CADM2: variants seen among roughly 807,000 people sequenced by gnomAD.
CADM2 encodes cell adhesion molecule 2.
Under a neutral mutation model 49.8 loss-of-function variants are expected in CADM2, and 12 were observed. The observed-to-expected ratio is 0.24, with a 90% CI of 0.15 to 0.39. CADM2 has a LOEUF of 0.39. Ranked by LOEUF, CADM2 falls within the 10% of genes least tolerant of loss-of-function variation. The pLI, the probability that CADM2 is intolerant of heterozygous loss-of-function variation, is 1.00. For missense variants in CADM2, 378 were observed against 492.3 expected (o/e 0.77, Z 2.20); for synonymous variants, 214 against 175.4 (o/e 1.22, Z -1.74).
At chr3:86,014,765 C>T (rs1230241235) in intron 8 of CADM2, 14 of 1,481,440 alleles carry the variant, frequency 9.5e-6, no homozygotes, top group African/African-American at 1.4e-5. Flanking sequence ...CCAAGCTTCA[C>T]TGTTGGAGAA....
At chr3:85,657,883 A>G (rs1052763361) in intron 1 of CADM2, among the ~76,000 whole-genome samples, 2 of 151,450 alleles carry the variant, frequency 1.3e-5, no homozygotes, top group East Asian at 3.9e-4. Flanking sequence ...GTAATTGCAG[A>G]TGTAATTGGT....
At chr3:85,592,465 A>C (rs79694610) in intron 1 of CADM2, among the ~76,000 whole-genome samples, 2,074 of 152,070 alleles carry the variant, frequency 0.014, 112 homozygotes, top group South Asian at 0.1. Context: ...GAAGGAAAAA[A>C]ATTACTGTAA....
intron 1 of CADM2, among the ~76,000 whole-genome samples, chr3:85,370,808 T>C (rs1256764063): frequency 2.0e-5 from 3 of 152,138 alleles, no homozygotes; most frequent in Non-Finnish European, 4.4e-5. Context: ...ATGCATGTTA[T>C]TGCCCCTGAA....
intron 1 of CADM2, among the ~76,000 whole-genome samples, chr3:85,589,035 A>G (rs2063025868): frequency 6.6e-6 from 1 of 152,028 alleles, no homozygotes; most frequent in African/African-American, 2.4e-5. Context: ...GCTATGCATT[A>G]TGTCAGATTT....
At chr3:85,142,826 G>T (rs1311197110) in intron 1 of CADM2, among the ~76,000 whole-genome samples, 1 of 152,136 alleles carries the variant, frequency 6.6e-6, no homozygotes, top group Non-Finnish European at 1.5e-5. Context: ...CAGTCTCTCA[G>T]AGCCAATATA....
At chr3:86,010,053 T>A (rs1731308257) in intron 8 of CADM2, among the ~76,000 whole-genome samples, 1 of 151,968 alleles carries the variant, frequency 6.6e-6, no homozygotes, top group Admixed American at 6.6e-5. Flanking sequence ...CTGCTCTATT[T>A]AATCTTCTAA....
intron 1 of CADM2, among the ~76,000 whole-genome samples, chr3:85,543,420 A>ATGTGTGTGTGGGGGGGTGTGTGTG (rs546846641): frequency 3.9e-5 from 5 of 129,584 alleles, no homozygotes; most frequent in Non-Finnish European, 5.0e-5. Flanking sequence ...TGCCAAGCTA[A>ATGTGTGTGTGGGGGGGTGTGTGTG]TGTGTGTGTG....
At chr3:84,997,332 C>CTAATTATG (rs1437543021) in intron 1 of CADM2, among the ~76,000 whole-genome samples, 1 of 152,036 alleles carries the variant, frequency 6.6e-6, no homozygotes, top group Admixed American at 6.6e-5. Context: ...ATAAACCTCT[C>CTAATTATG]TAATTATGTG....
rs1714037906 is a variant in CADM2, at chr3:85,888,916, A to G, written c.529+2589A>G. ...AAAGTTTGACTTCCTATTACTATCT[A>G]ACTGTTTTTAGTATAATATCACTTG... On this transcript the variant is annotated intron_variant, in intron 5 of 9. Transcript: ENST00000383699. Among the ~76,000 whole-genome samples, 3 of 152,156 alleles carry G rather than the reference A, an allele frequency of 2.0e-5. No individual in the cohort carries two copies. In the South Asian group the frequency reaches 6.2e-4, roughly 32 times the overall value.
chr3:85,738,941 A>G (rs921502459), intron 2 of CADM2, among the ~76,000 whole-genome samples: 6 of 152,170 alleles, frequency 3.9e-5, no homozygotes, highest in African/African-American at 1.4e-4. Flanking sequence ...TAGTTGTAAT[A>G]TACAGTTTAT....
chr3:85,473,777 A>G (rs2038864447), intron 1 of CADM2, among the ~76,000 whole-genome samples: 1 of 152,118 alleles, frequency 6.6e-6, no homozygotes, highest in South Asian at 2.1e-4. Flanking sequence ...TGATTGTGTT[A>G]CTATTGTAGG....
chr3:85,983,087 C>A (rs948960141), intron 8 of CADM2, among the ~76,000 whole-genome samples: 2 of 151,592 alleles, frequency 1.3e-5, no homozygotes, highest in Admixed American at 6.6e-5. Flanking sequence ...GATTTTTCAT[C>A]CTATGATATG....
intron 1 of CADM2, among the ~76,000 whole-genome samples, chr3:85,179,777 T>C (rs1018245742): frequency 1.3e-5 from 2 of 152,130 alleles, no homozygotes; most frequent in Non-Finnish European, 2.9e-5. Context: ...CTAAATTTAG[T>C]TTATTATTTT....
At chr3:85,923,537 C>CAAA (rs57230094) in intron 6 of CADM2, among the ~76,000 whole-genome samples, 35,399 of 136,254 alleles carry the variant, frequency 0.26, 4,822 homozygotes, top group Middle Eastern at 0.34. Context: ...ATCATGAAAG[C>CAAA]AAAAAAAAAA....
intron 1 of CADM2, among the ~76,000 whole-genome samples, chr3:85,263,853 A>C (rs536928788): frequency 6.6e-6 from 1 of 152,138 alleles, no homozygotes; most frequent in South Asian, 2.1e-4. Context: ...CTTTCCGTTT[A>C]AATATGCAAC....
chr3:86,035,217 G>A (rs1026668125), intron 8 of CADM2, among the ~76,000 whole-genome samples: 1 of 151,984 alleles, frequency 6.6e-6, no homozygotes, highest in African/African-American at 2.4e-5. Flanking sequence ...CCCATAGGTC[G>A]TGATCTCTCT....
At chr3:85,132,309 C>A (rs1251664604) in intron 1 of CADM2, among the ~76,000 whole-genome samples, 3 of 152,108 alleles carry the variant, frequency 2.0e-5, no homozygotes, top group Non-Finnish European at 2.9e-5. Context: ...CTAAGGAAAC[C>A]TTTAACTGGC....
chr3:85,537,040 A>C (rs758805599), intron 1 of CADM2, among the ~76,000 whole-genome samples: 1 of 151,992 alleles, frequency 6.6e-6, no homozygotes, highest in African/African-American at 2.4e-5. Context: ...CTCATTTCTC[A>C]TGAGAAGTTT....
chr3:85,479,890 A>G lies in CADM2; in HGVS notation c.62-246632A>G, dbSNP rs535654363. On this transcript the variant is annotated intron_variant, in intron 1 of 9. Coordinates refer to ENST00000383699, the MANE Select transcript of CADM2 (RefSeq NM_001167675.2). ...AGTTGAATTTGGAATGTAAACAACA[A>G]TTAACTATTTGTCTGATTATTTGAT... Among the ~76,000 whole-genome samples, 8 of 152,074 alleles carry G rather than the reference A, an allele frequency of 5.3e-5. 1 individual carries two copies. Among genetic ancestry groups the G allele is most frequent in the African/African-American group, 1.7e-4 (7 of 41,538 alleles).
Sources: gnomAD v4.1 joint callset for allele counts (sites outside exome capture counted in the v4.1 genomes callset) on GRCh38, gnomAD v4.1.1 for gene constraint, MANE v1.5 for transcripts, NCBI Gene and HGNC (gene_info 2026-07-23, HGNC 2026-07-21) for gene names.